Variants in CSMD3 observed in about 807,000 individuals in gnomAD.
The protein encoded by CSMD3 is CUB and Sushi multiple domains 3.
A neutral mutation model predicts 435.2 loss-of-function variants in CSMD3; 177 were observed. The ratio of observed to expected loss-of-function variants is 0.41; its 90% CI spans 0.36 to 0.46. The LOEUF is 0.46. Among genes scored for constraint, CSMD3 ranks in the 20% least tolerant of loss-of-function variants. The pLI is 0.34. For missense variants in CSMD3, 4,265 were observed against 4,504.6 expected (o/e 0.95, Z 1.52); for synonymous variants, 1,656 against 1,520.5 (o/e 1.09, Z -2.07).
intron 9 of CSMD3, among the ~76,000 whole-genome samples, chr8:112,927,102 T>C (rs2082935918): frequency 6.6e-6 from 1 of 151,988 alleles, no homozygotes; most frequent in South Asian, 2.1e-4. Flanking sequence ...ATTTAATATC[T>C]TTAAAAGTCT....
chr8:113,019,892 G>C (rs1242769753), intron 5 of CSMD3, among the ~76,000 whole-genome samples: 1 of 151,878 alleles, frequency 6.6e-6, no homozygotes, highest in Non-Finnish European at 1.5e-5. Context: ...GGCCGGGCGC[G>C]GTGGCTCACG....
In CSMD3 at chr8:112,351,254, C is replaced by T. The variant is rs1254492595; in HGVS notation, c.6256-10G>A. The T allele has an allele frequency of 1.9e-6, 3 of 1,588,434 alleles. No individual in the cohort carries two copies. The South Asian group carries it at 3.3e-5, about 18-fold the overall frequency. On this transcript the variant is annotated splice_polypyrimidine_tract_variant and intron_variant, in intron 39 of 70. Transcript: ENST00000297405. Reference sequence around the variant, plus strand: ...TAATGTGAGAGTGACCCTACATAAACAAAATGATGTGGTTCAGTACACATA... The same window carrying T: ...TAATGTGAGAGTGACCCTACATAAATAAAATGATGTGGTTCAGTACACATA...
chr8:113,428,210 A>G (rs11998360), intron 1 of CSMD3, among the ~76,000 whole-genome samples: 1,628 of 59,646 alleles, frequency 0.027, 42 homozygotes, highest in African/African-American at 0.068. Flanking sequence ...TGGGATATCT[A>G]TCTATCTATC....
At chr8:113,207,396 T>G (rs2092783701) in intron 3 of CSMD3, among the ~76,000 whole-genome samples, 1 of 151,678 alleles carries the variant, frequency 6.6e-6, no homozygotes, top group Non-Finnish European at 1.5e-5. Context: ...TTTTTTTTTT[T>G]TTTTAGATGG....
intron 8 of CSMD3, among the ~76,000 whole-genome samples, chr8:112,954,046 T>C (rs1418888613): frequency 1.3e-5 from 2 of 151,514 alleles, no homozygotes; most frequent in Non-Finnish European, 3.0e-5. Context: ...TTGGTTATGG[T>C]AATTTAAATG....
At position 113,314,612 on chromosome 8, in the gene CSMD3, T is replaced by C. The variant is rs750726034; in HGVS notation, c.360A>G (p.Ser120=). 3.1e-6 allele frequency: 5 copies of C among 1,609,654 alleles called. No individual in the cohort carries two copies. The African/African-American group carries it at 4.0e-5, about 13-fold the overall frequency. ...TAGGATGAGGATGTCCATCATATAA[T>C]GATAAGTAGTCGTATTCTTCTTCTA... ...FALEEEYDYL[S]LYDGHPHPTN... is the part of the protein sequence containing the mutation. The change falls in exon 2 of 71, where the codon TCA becomes TCG. Residue 120 remains serine (S), a synonymous_variant. Transcript: ENST00000297405.
chr8:113,040,520 T>C (rs2087561657), intron 5 of CSMD3, among the ~76,000 whole-genome samples: 1 of 151,988 alleles, frequency 6.6e-6, no homozygotes. Flanking sequence ...GCAATGGAGG[T>C]CAATAGAGAG....
At chr8:112,839,755 A>G (rs574238433) in intron 11 of CSMD3, among the ~76,000 whole-genome samples, 6 of 148,306 alleles carry the variant, frequency 4.0e-5, no homozygotes, top group African/African-American at 1.6e-4. Flanking sequence ...TTTTTATATA[A>G]AAAAACTTTG....
At chr8:113,316,672 C>G (rs537649771) in intron 1 of CSMD3, among the ~76,000 whole-genome samples, 4 of 151,914 alleles carry the variant, frequency 2.6e-5, no homozygotes, top group Non-Finnish European at 5.9e-5. Context: ...GCCTCAGCCT[C>G]CTGAGTAGCT....
intron 13 of CSMD3, among the ~76,000 whole-genome samples, chr8:112,728,979 A>G (rs557575058): frequency 6.6e-6 from 1 of 152,166 alleles, no homozygotes; most frequent in East Asian, 1.9e-4. Context: ...ATACAAACAC[A>G]CATATATATA....
intron 58 of CSMD3, among the ~76,000 whole-genome samples, chr8:112,284,578 ATACTC>A (rs1818986872): frequency 1.3e-5 from 2 of 151,778 alleles, no homozygotes; most frequent in East Asian, 1.9e-4. Flanking sequence ...TTTATTGACT[ATACTC>A]TATTAGATCA....
intron 59 of CSMD3, among the ~76,000 whole-genome samples, chr8:112,268,756 A>G (rs1817195556): frequency 6.6e-6 from 1 of 152,164 alleles, no homozygotes; most frequent in Non-Finnish European, 1.5e-5. Context: ...TTCTAGCTTC[A>G]AGCCCAGAAC....
intron 1 of CSMD3, among the ~76,000 whole-genome samples, chr8:113,422,601 G>GT (rs1284335267): frequency 1.3e-5 from 2 of 152,054 alleles, no homozygotes; most frequent in Admixed American, 1.3e-4. Context: ...TCACCCTCAA[G>GT]TTAAGGTAGT....
At chr8:113,347,041 C>A (rs909514696) in intron 1 of CSMD3, among the ~76,000 whole-genome samples, 2 of 151,956 alleles carry the variant, frequency 1.3e-5, no homozygotes, top group African/African-American at 4.8e-5. Flanking sequence ...TTTACAAAAT[C>A]CAGAAGTGTC....
intron 27 of CSMD3, 56 bp downstream of exon 27, chr8:112,550,615 G>T (rs2131187727): frequency 1.1e-6 from 1 of 908,494 alleles, no homozygotes; most frequent in Non-Finnish European, 1.8e-6. Context: ...AAGTTAACAT[G>T]ACTATTTACA....
chr8:112,366,313 G>C (rs1827776734), intron 38 of CSMD3, among the ~76,000 whole-genome samples: 1 of 152,184 alleles, frequency 6.6e-6, no homozygotes. Flanking sequence ...CCTTTCTACT[G>C]CAACAATGCT....
intron 1 of CSMD3, among the ~76,000 whole-genome samples, chr8:113,433,993 TTTCACA>T (rs1467031900): frequency 6.6e-6 from 1 of 152,186 alleles, no homozygotes; most frequent in East Asian, 1.9e-4. Context: ...CAGCCTTTTA[TTTCACA>T]TGACAGTGGA....
At chr8:112,635,077 G>A (rs548036630) in intron 22 of CSMD3, among the ~76,000 whole-genome samples, 4 of 152,066 alleles carry the variant, frequency 2.6e-5, no homozygotes, top group Non-Finnish European at 4.4e-5. Flanking sequence ...TAATGTTAGC[G>A]TTTTATAAAA....
chr8:112,483,406 C>T (rs1291343211), intron 31 of CSMD3, among the ~76,000 whole-genome samples: 1 of 151,998 alleles, frequency 6.6e-6, no homozygotes, highest in Non-Finnish European at 1.5e-5. Context: ...GGCAAGAGAA[C>T]CAGGAGGCAG....
Sources: gnomAD v4.1 joint callset for allele counts (sites outside exome capture counted in the v4.1 genomes callset) on GRCh38, gnomAD v4.1.1 for gene constraint, MANE v1.5 for transcripts, NCBI Gene and HGNC (gene_info 2026-07-23, HGNC 2026-07-21) for gene names.